Variants in ANKRD55 observed in about 807,000 individuals in gnomAD.
The protein encoded by ANKRD55 is ankyrin repeat domain 55.
In ANKRD55, 41 loss-of-function variants were observed where a neutral mutation model predicts 60.6. That is an observed-to-expected ratio of 0.68 (90% confidence interval 0.53 to 0.88). The LOEUF is 0.88. Among genes scored for constraint, ANKRD55 ranks in the 40% least tolerant of loss-of-function variants. The pLI is 0.00. For missense variants in ANKRD55, 732 were observed against 767.6 expected (o/e 0.95, Z 0.55); for synonymous variants, 264 against 290.3 (o/e 0.91, Z 0.92).
In ANKRD55 at chr5:56,100,016, T is replaced by G; in HGVS notation, c.*167A>C. The G allele has an allele frequency of 2.3e-6, 2 of 870,714 alleles. No individual in the cohort carries two copies. Among genetic ancestry groups the G allele is most frequent in the Non-Finnish European group, 1.8e-6 (1 of 566,232 alleles). 53.9% of individuals were successfully genotyped at this position (870,714 alleles called of 1,614,324 possible). ...CACACCCAAATATTCTAAGTGCTTA[T>G]TTAGGGAGTATCTTTATTTGGAATA... On this transcript the variant is annotated 3_prime_UTR_variant, in exon 12 of 12. Coordinates refer to ENST00000341048, the MANE Select transcript of ANKRD55 (RefSeq NM_024669.3).
intron 2 of ANKRD55, among the ~76,000 whole-genome samples, chr5:56,218,729 G>A (rs1413769307): frequency 6.6e-6 from 1 of 151,942 alleles, no homozygotes; most frequent in Admixed American, 6.6e-5. Context: ...CCTGTATTAG[G>A]TCAATAGACA....
intron 5 of ANKRD55, among the ~76,000 whole-genome samples, chr5:56,170,145 A>T (rs1336064733): frequency 6.6e-6 from 1 of 152,128 alleles, no homozygotes; most frequent in Non-Finnish European, 1.5e-5. Context: ...GCCTCCTCCC[A>T]GCTCCTAGAG....
chr5:56,100,875 T>G (rs940349989), intron 11 of ANKRD55, among the ~76,000 whole-genome samples: 21 of 152,208 alleles, frequency 1.4e-4, no homozygotes, highest in African/African-American at 5.1e-4. Context: ...GGCTCTTTCC[T>G]TAACTAGATG....
At chr5:56,191,704 C>T (rs1759096802) in intron 2 of ANKRD55, among the ~76,000 whole-genome samples, 1 of 152,124 alleles carries the variant, frequency 6.6e-6, no homozygotes, top group African/African-American at 2.4e-5. Context: ...GGAATTTAGA[C>T]ATAAAGTGAA....
chr5:56,118,615 C>T (rs903531389), intron 8 of ANKRD55, among the ~76,000 whole-genome samples: 1 of 148,960 alleles, frequency 6.7e-6, no homozygotes, highest in Non-Finnish European at 1.5e-5. Flanking sequence ...CAGAGCGAGA[C>T]TCCATCTCAA....
chr5:56,203,334 T>C (rs941617793), intron 2 of ANKRD55, among the ~76,000 whole-genome samples: 5 of 152,186 alleles, frequency 3.3e-5, no homozygotes, highest in Admixed American at 6.5e-5. Flanking sequence ...GATGGTTTTT[T>C]TAAAATTTAA....
chr5:56,133,219 T>A (rs1757471783), intron 7 of ANKRD55, among the ~76,000 whole-genome samples: 1 of 150,938 alleles, frequency 6.6e-6, no homozygotes, highest in African/African-American at 2.5e-5. Flanking sequence ...GGTGGGCAGA[T>A]CACAAGGTCG....
At chr5:56,148,574 T>C (rs776691578) in intron 6 of ANKRD55, among the ~76,000 whole-genome samples, 3 of 152,168 alleles carry the variant, frequency 2.0e-5, no homozygotes, top group Non-Finnish European at 4.4e-5. Flanking sequence ...TGTCTTGTGT[T>C]GATGAGTAAT....
At chr5:56,138,197 G>A (rs1225706837) in intron 7 of ANKRD55, among the ~76,000 whole-genome samples, 1 of 139,772 alleles carries the variant, frequency 7.2e-6, no homozygotes, top group Non-Finnish European at 1.5e-5. Flanking sequence ...GCGCAATCTT[G>A]GCTCACTGCA....
chr5:56,222,293 TA>T (rs1435661771), intron 2 of ANKRD55, among the ~76,000 whole-genome samples: 1 of 152,072 alleles, frequency 6.6e-6, no homozygotes, highest in African/African-American at 2.4e-5. Flanking sequence ...TCATGACTGT[TA>T]GAAGGAAAAC....
chr5:56,202,876 G>T (rs1259692235), intron 2 of ANKRD55, among the ~76,000 whole-genome samples: 1 of 152,104 alleles, frequency 6.6e-6, no homozygotes, highest in Non-Finnish European at 1.5e-5. Flanking sequence ...AAGAGGACCT[G>T]GGGAATGGAA....
chr5:56,142,967 C>G (rs1757809033), intron 7 of ANKRD55, among the ~76,000 whole-genome samples: 1 of 152,188 alleles, frequency 6.6e-6, no homozygotes, highest in Non-Finnish European at 1.5e-5. Context: ...GCACACATGT[C>G]AATCCTGAAA....
At chr5:56,108,128 C>G (rs1756549972) in intron 10 of ANKRD55, 1 of 152,200 alleles carries the variant, frequency 6.6e-6, no homozygotes, top group Non-Finnish European at 1.5e-5. Context: ...CTCCCTTGGC[C>G]TCTCAAAGTG....
At chr5:56,140,381 C>T (rs115552986) in intron 7 of ANKRD55, among the ~76,000 whole-genome samples, 8 of 152,302 alleles carry the variant, frequency 5.3e-5, no homozygotes, top group Middle Eastern at 3.4e-3. Flanking sequence ...TCTCCAGAGC[C>T]GGGGTTCTTA....
intron 2 of ANKRD55, among the ~76,000 whole-genome samples, chr5:56,202,348 T>A (rs530564395): frequency 9.2e-4 from 140 of 152,312 alleles, no homozygotes; most frequent in African/African-American, 3.3e-3. Context: ...CCTGTTGTTA[T>A]TATTATCCAA....
Position 56,183,634 on chromosome 5 carries a change from C to A in ANKRD55, c.59G>T (p.Gly20Val), listed in dbSNP as rs766285683. 1.9e-6 allele frequency: 3 copies of A among 1,614,040 alleles called. No homozygotes were observed. The highest frequency in any genetic ancestry group is 4.5e-5 in the East Asian group (2 of 44,876). The change falls in exon 3 of 12, where the codon GGT (glycine) becomes GTT (valine). Residue 20 changes from glycine to valine, a missense_variant and splice_region_variant. Coordinates refer to ENST00000341048, the MANE Select transcript of ANKRD55 (RefSeq NM_024669.3). ...STPSVFDQQR[G>V]DSSEEVDLTM... Reference sequence around the variant, plus strand: ...CAGGTCAACTTCCTCAGATGAGTCACCTTCATGCATAAAACAGACACAATG... The same window carrying A: ...CAGGTCAACTTCCTCAGATGAGTCAACTTCATGCATAAAACAGACACAATG...
Position 56,233,237 on chromosome 5 carries a change from C to G in ANKRD55, c.-34+4G>C. On this transcript the variant is annotated splice_donor_region_variant and intron_variant, in intron 1 of 11. Coordinates refer to ENST00000341048, the MANE Select transcript of ANKRD55 (RefSeq NM_024669.3). ...AAGATAGTAAAATTGTATGGGCCACCTGCCTTGGATCTGGGCTGGAAAAAC... is the reference window on the plus strand; with the variant it reads ...AAGATAGTAAAATTGTATGGGCCACGTGCCTTGGATCTGGGCTGGAAAAAC... 1 of 311,928 alleles carries G rather than the reference C, an allele frequency of 3.2e-6. No homozygotes were observed. Among genetic ancestry groups the G allele is most frequent in the Non-Finnish European group, 6.0e-6 (1 of 166,464 alleles). 19.3% of individuals were successfully genotyped at this position (311,928 alleles called of 1,614,324 possible).
intron 6 of ANKRD55, among the ~76,000 whole-genome samples, chr5:56,157,163 C>G (rs1025198404): frequency 6.6e-6 from 1 of 152,148 alleles, no homozygotes; most frequent in Non-Finnish European, 1.5e-5. Context: ...TGTGCTGTGT[C>G]GACTCAAGGT....
chr5:56,225,179 A>T (rs149381146), intron 2 of ANKRD55, among the ~76,000 whole-genome samples: 5,943 of 152,284 alleles, frequency 0.039, 149 homozygotes, highest in African/African-American at 0.073. Context: ...CTGCTTCAAC[A>T]TACACAAATC....
Sources: gnomAD v4.1 joint callset for allele counts (sites outside exome capture counted in the v4.1 genomes callset) on GRCh38, gnomAD v4.1.1 for gene constraint, MANE v1.5 for transcripts, NCBI Gene and HGNC (gene_info 2026-07-23, HGNC 2026-07-21) for gene names.